Variants in SLC38A1 observed in about 807,000 individuals in gnomAD.
SLC38A1 encodes solute carrier family 38 member 1.
In SLC38A1, 18 loss-of-function variants were observed where a neutral mutation model predicts 60.3. That is an observed-to-expected ratio of 0.30 (90% CI 0.21 to 0.44). The LOEUF is 0.44. SLC38A1 is among the 20% of genes least tolerant of loss of function. The pLI is 1.00. For synonymous variants in SLC38A1, 196 were observed against 212.1 expected (o/e 0.92, Z 0.66); for missense variants, 448 against 587.2 (o/e 0.76, Z 2.45).
At chr12:46,247,241 T>C (rs995186711) in intron 1 of SLC38A1, among the ~76,000 whole-genome samples, 3 of 152,148 alleles carry the variant, frequency 2.0e-5, no homozygotes, top group African/African-American at 7.2e-5. Flanking sequence ...TTCTCCAAGC[T>C]AAAGGAGGAT....
At position 46,208,959 on chromosome 12, in the gene SLC38A1, A is replaced by T. The variant is rs560591652; in HGVS notation, c.388+95T>A. ...AAAATAGTCTTTCTTTTTAATAATC[A>T]AATTGCTGTACAGAGAGAACATCAT... On this transcript the variant is annotated intron_variant, in intron 6 of 16. Coordinates refer to ENST00000398637, the MANE Select transcript of SLC38A1 (RefSeq NM_030674.4). 1.3e-4 allele frequency: 110 copies of T among 850,994 alleles called. 2 individuals are homozygous for T. The South Asian group carries it at 1.7e-3, about 13-fold the overall frequency. The allele number at this position is 850,994 out of a possible 1,614,324, so 52.7% of individuals were successfully genotyped here.
chr12:46,201,368 G>A (rs1233545489), intron 12 of SLC38A1, among the ~76,000 whole-genome samples, 170 bp from the exon 13 acceptor site: 1 of 152,322 alleles, frequency 6.6e-6, no homozygotes, highest in East Asian at 1.9e-4. Context: ...CTCTTATACT[G>A]AATTGGTATT....
chr12:46,206,882 A>G (rs1939928890), intron 8 of SLC38A1, among the ~76,000 whole-genome samples: 1 of 152,212 alleles, frequency 6.6e-6, no homozygotes, highest in African/African-American at 2.4e-5. Context: ...TATTTCACAG[A>G]AACTAGATAT....
At chr12:46,244,519 A>T (rs1003273110) in intron 1 of SLC38A1, among the ~76,000 whole-genome samples, 17 of 152,210 alleles carry the variant, frequency 1.1e-4, no homozygotes, top group African/African-American at 2.4e-5. Context: ...CAAGGCATCC[A>T]CTTTACTGGT....
At chr12:46,210,992 G>C (rs1348628321) in intron 5 of SLC38A1, among the ~76,000 whole-genome samples, 2 of 152,184 alleles carry the variant, frequency 1.3e-5, no homozygotes, top group Non-Finnish European at 1.5e-5. Context: ...GTAGTTCTGA[G>C]ATACGTAATG....
Position 46,183,623 on chromosome 12 carries a change from T to A in SLC38A1, c.*5347A>T, listed in dbSNP as rs192608319. 203 of 152,322 alleles carry A rather than the reference T, an allele frequency of 1.3e-3. 2 individuals carry two copies. The highest frequency in any genetic ancestry group is 4.8e-3 in the African/African-American group (201 of 41,590). 9.4% of individuals were successfully genotyped at this position (152,322 alleles called of 1,614,324 possible). A position where few individuals can be genotyped will look rare whatever the true frequency, so the allele number is the denominator to read the frequency against. Reference sequence around the variant, plus strand: ...CATATGTACTGTGTAGTGGTATCAGTGTTAAAAATGGAAGATCATTATGAA... The same window carrying A: ...CATATGTACTGTGTAGTGGTATCAGAGTTAAAAATGGAAGATCATTATGAA... On this transcript the variant is annotated 3_prime_UTR_variant, in exon 17 of 17. Transcript: ENST00000398637.
intron 6 of SLC38A1, among the ~76,000 whole-genome samples, chr12:46,208,326 G>T (rs542144716): frequency 6.6e-6 from 1 of 152,130 alleles, no homozygotes; most frequent in Non-Finnish European, 1.5e-5. Flanking sequence ...CTTTATAACT[G>T]TTCAGTTCAT....
chr12:46,267,912 A>T (rs1192940418), intron 1 of SLC38A1, among the ~76,000 whole-genome samples: 1 of 152,186 alleles, frequency 6.6e-6, no homozygotes, highest in Non-Finnish European at 1.5e-5. Context: ...AGTCACTGCA[A>T]GCATCCTTTA....
Position 46,197,704 on chromosome 12 carries a change from C to T in SLC38A1, c.1362+16G>A, listed in dbSNP as rs758085796. 8 of 1,478,510 alleles carry T rather than the reference C, an allele frequency of 5.4e-6. No homozygotes were observed. The South Asian group carries it at 8.5e-5, about 16-fold the overall frequency. The allele number at this position is 1,478,510 out of a possible 1,614,324, so 91.6% of individuals were successfully genotyped here. On this transcript the variant is annotated intron_variant, in intron 16 of 16. Coordinates refer to ENST00000398637, the MANE Select transcript of SLC38A1 (RefSeq NM_030674.4). ...AAACTAATCAGAAAAGTTAGAGTGGCTGGCAAGAGACATACCCAAATTCTT... is the reference window on the plus strand; with the variant it reads ...AAACTAATCAGAAAAGTTAGAGTGGTTGGCAAGAGACATACCCAAATTCTT...
In SLC38A1 at chr12:46,269,033, T is replaced by G. The variant is rs1210302888; in HGVS notation, c.-716A>C. The G allele has an allele frequency of 3.2e-6, 1 of 309,320 alleles. No individual in the cohort carries two copies. Among genetic ancestry groups the G allele is most frequent in the Non-Finnish European group, 7.1e-6 (1 of 141,380 alleles). 19.2% of individuals were successfully genotyped at this position (309,320 alleles called of 1,614,324 possible). A position where few individuals can be genotyped will look rare whatever the true frequency, so the allele number is the denominator to read the frequency against. ...TGTGCGCCCGCTCTTTAACCAAAGC[T>G]GCGTGTCAGTGAGCCGTGCCGGTCA... On this transcript the variant is annotated 5_prime_UTR_variant, in exon 1 of 17. Transcript: ENST00000398637.
chr12:46,239,902 T>C lies in SLC38A1; in HGVS notation c.-93-9A>G, dbSNP rs1052772628. The C allele has an allele frequency of 4.7e-6, 5 of 1,060,394 alleles. No homozygotes were observed. Among genetic ancestry groups the C allele is most frequent in the Middle Eastern group, 6.4e-4 (2 of 3,132 alleles). 65.7% of individuals were successfully genotyped at this position (1,060,394 alleles called of 1,614,324 possible). ...ATGGAAGCTTGACACCCCTAAAATA[T>C]AGCAAAATAAAAAAATAACTAAACA... On this transcript the variant is annotated splice_polypyrimidine_tract_variant and intron_variant, in intron 2 of 16. Coordinates refer to ENST00000398637, the MANE Select transcript of SLC38A1 (RefSeq NM_030674.4).
At chr12:46,226,828 G>A (rs1225143661) in intron 5 of SLC38A1, among the ~76,000 whole-genome samples, 1 of 152,022 alleles carries the variant, frequency 6.6e-6, no homozygotes, top group Non-Finnish European at 1.5e-5. Flanking sequence ...TGTTGGCAAG[G>A]CTGGCCAGGC....
At chr12:46,218,924 A>T (rs1214258163) in intron 5 of SLC38A1, among the ~76,000 whole-genome samples, 1 of 152,174 alleles carries the variant, frequency 6.6e-6, no homozygotes, top group Non-Finnish European at 1.5e-5. Context: ...GGGTGGTGTC[A>T]GCTGATACAT....
At chr12:46,235,361 C>T (rs1004235966) in intron 3 of SLC38A1, among the ~76,000 whole-genome samples, 1 of 152,114 alleles carries the variant, frequency 6.6e-6, no homozygotes, top group Non-Finnish European at 1.5e-5. Flanking sequence ...ACCTTTCCTA[C>T]TCCTTTCTCT....
intron 1 of SLC38A1, among the ~76,000 whole-genome samples, chr12:46,259,098 G>C (rs1482670994): frequency 6.6e-6 from 1 of 152,168 alleles, no homozygotes; most frequent in Non-Finnish European, 1.5e-5. Context: ...TAATTTTCTT[G>C]ACTCTAGTAA....
Position 46,252,996 on chromosome 12 carries a change from G to GAA in SLC38A1, c.-208-9684_-208-9683dup, listed in dbSNP as rs71437760. Among the ~76,000 whole-genome samples the GAA allele has an allele frequency of 8.1e-3, 867 of 107,148 alleles. 11 individuals are homozygous for GAA. Among genetic ancestry groups the GAA allele is most frequent in the East Asian group, 0.023 (93 of 4,096 alleles). 70.3% of individuals were successfully genotyped at this position (107,148 alleles called of 152,430 possible). A position where few individuals can be genotyped will look rare whatever the true frequency, so the allele number is the denominator to read the frequency against. On this transcript the variant is annotated intron_variant, in intron 1 of 16. Transcript: ENST00000398637. Reference sequence around the variant, plus strand: ...TCATGTATACATGGTATCTTTTTTTGAAAAAAAAAAAAAAAAAGTCTGATA... The same window carrying GAA: ...TCATGTATACATGGTATCTTTTTTTGAAAAAAAAAAAAAAAAAAAGTCTGATA...
intron 16 of SLC38A1, chr12:46,196,200 G>A: frequency 1.3e-6 from 2 of 1,536,094 alleles, no homozygotes; most frequent in Non-Finnish European, 1.7e-6. Flanking sequence ...CATGTTCAGT[G>A]AGAGCGCTGC....
intron 5 of SLC38A1, among the ~76,000 whole-genome samples, chr12:46,223,184 G>A (rs1940726420): frequency 6.6e-6 from 1 of 152,126 alleles, no homozygotes; most frequent in Non-Finnish European, 1.5e-5. Context: ...GCCTGGATGG[G>A]ACGCTGGCTC....
Position 46,247,341 on chromosome 12 carries a change from T to C in SLC38A1, c.-208-4027A>G, listed in dbSNP as rs61182362. 2.6e-3 allele frequency among the ~76,000 whole-genome samples: 403 copies of C among 152,290 alleles called. 1 individual carries two copies. Among genetic ancestry groups the C allele is most frequent in the African/African-American group, 9.3e-3 (385 of 41,558 alleles). ...TAAACAGTGTAGAGAAGACCACAAA[T>C]GACCTGATGGAGCTGAAAACCATGG... On this transcript the variant is annotated intron_variant, in intron 1 of 16. Transcript: ENST00000398637.
Sources: gnomAD v4.1 joint callset for allele counts (sites outside exome capture counted in the v4.1 genomes callset) on GRCh38, gnomAD v4.1.1 for gene constraint, MANE v1.5 for transcripts, NCBI Gene and HGNC (gene_info 2026-07-23, HGNC 2026-07-21) for gene names.